The following SCARA5 variants were observed in gnomAD, a reference collection of about 807,000 sequenced individuals.
SCARA5 encodes the protein scavenger receptor class A, member 5 (putative).
SCARA5 carries 45 observed loss-of-function variants against 46.3 expected under a neutral mutation model. The ratio of observed to expected loss-of-function variants is 0.97; its 90% CI spans 0.76 to 1.24. The LOEUF (loss-of-function observed/expected upper bound fraction) is 1.24. SCARA5 is among the 50% of genes most tolerant of loss of function. SCARA5 has a pLI of 0.00. For synonymous variants in SCARA5, 333 were observed against 306.5 expected, an observed-to-expected ratio of 1.09 and a Z score of -0.90; for missense variants, 680 against 689.0, an observed-to-expected ratio of 0.99 and a Z score of 0.15.
At chr8:27,958,257 A>G (rs1194854857) in intron 3 of SCARA5, among the ~76,000 whole-genome samples, 3 of 152,178 alleles carry the variant, frequency 2.0e-5, no homozygotes, top group African/African-American at 7.2e-5. Flanking sequence ...GGAATCTTCC[A>G]TGGGAAACTC....
rs1405931793 is a variant in SCARA5, at chr8:27,909,655, C to T, written c.997+8G>A. Reference sequence around the variant, plus strand: ...CTCCCAGGTACCACCCAGGGGCACGCTCATTACCTCGAAGTCCAGGCAATC... The same window carrying T: ...CTCCCAGGTACCACCCAGGGGCACGTTCATTACCTCGAAGTCCAGGCAATC... On this transcript the variant is annotated splice_region_variant and intron_variant, in intron 5 of 8. Coordinates refer to ENST00000354914, the MANE Select transcript of SCARA5 (RefSeq NM_173833.6). 20 of 1,539,336 alleles carry T rather than the reference C, an allele frequency of 1.3e-5. No individual in the cohort carries two copies. Among genetic ancestry groups the T allele is most frequent in the Admixed American group, 2.0e-5 (1 of 50,970 alleles).
chr8:27,966,424 G>A lies in SCARA5; in HGVS notation c.231C>T (p.Phe77=). ...ATGGCCTGCTCTTACCTGCTAAGATGAAGATGCCCACAAGAATCAGGAAGA... is the reference window on the plus strand; with the variant it reads ...ATGGCCTGCTCTTACCTGCTAAGATAAAGATGCCCACAAGAATCAGGAAGA... The part of the protein sequence containing the change: ...LLVFLILVGI[F]ILAVSRPRSS... The change falls in exon 3 of 9, where the codon TTC becomes TTT. Residue 77 remains phenylalanine, a synonymous_variant. Transcript: ENST00000354914. The A allele has an allele frequency of 6.2e-7, 1 of 1,609,852 alleles. No homozygotes were observed. The highest frequency in any genetic ancestry group is 2.2e-5 in the East Asian group (1 of 44,814).
intron 2 of SCARA5, among the ~76,000 whole-genome samples, chr8:27,970,448 G>A (rs2685396): frequency 0.54 from 82,726 of 152,066 alleles, 22,690 homozygotes; most frequent in South Asian, 0.66. Context: ...ACCCCCAGAC[G>A]TTACCACCCC....
intron 2 of SCARA5, among the ~76,000 whole-genome samples, chr8:27,971,411 T>A (rs546835023): frequency 6.6e-6 from 1 of 152,242 alleles, no homozygotes; most frequent in Non-Finnish European, 1.5e-5. Flanking sequence ...ACAGGACTTA[T>A]AAATTTGAAA....
chr8:27,967,803 C>T (rs7831934), intron 2 of SCARA5, among the ~76,000 whole-genome samples: 41,447 of 151,956 alleles, frequency 0.27, 5,998 homozygotes, highest in Admixed American at 0.37. Flanking sequence ...ATCCCAGCTA[C>T]TTGGGAGGCT....
intron 3 of SCARA5, among the ~76,000 whole-genome samples, chr8:27,937,337 C>T (rs1288424195): frequency 1.3e-5 from 2 of 152,156 alleles, no homozygotes; most frequent in African/African-American, 4.8e-5. Context: ...CTATGCATGA[C>T]CTTCACCCTC....
rs1054974792 is a variant in SCARA5 at position 27,962,854 on chromosome 8, T to G, written c.241+3560A>C. 3.3e-5 allele frequency among the ~76,000 whole-genome samples: 5 copies of G among 152,344 alleles called. No homozygotes were observed. In the East Asian group the frequency reaches 9.6e-4, roughly 29 times the overall value. ...TCTCATGACGTTTTATTCCTAGGGCTTGTCCCTTTGCCCTGCACTCACCGA... is the reference window on the plus strand; with the variant it reads ...TCTCATGACGTTTTATTCCTAGGGCGTGTCCCTTTGCCCTGCACTCACCGA... On this transcript the variant is annotated intron_variant, in intron 3 of 8. Transcript: ENST00000354914.
At chr8:27,936,140 C>G (rs770267258) in intron 3 of SCARA5, among the ~76,000 whole-genome samples, 41 of 152,244 alleles carry the variant, frequency 2.7e-4, no homozygotes, top group Non-Finnish European at 4.7e-4. Flanking sequence ...ACCAGAGAGA[C>G]TTTCCTTCTC....
intron 4 of SCARA5, 78 bp from the exon 5 acceptor site, chr8:27,909,821 A>C: frequency 9.6e-7 from 1 of 1,040,740 alleles, no homozygotes; most frequent in Non-Finnish European, 1.4e-6. Context: ...AGGAAACAAA[A>C]CGCCCTCTCT....
At chr8:27,950,779 T>C (rs946481099) in intron 3 of SCARA5, among the ~76,000 whole-genome samples, 1 of 151,862 alleles carries the variant, frequency 6.6e-6, no homozygotes, top group Admixed American at 6.6e-5. Flanking sequence ...GTGCCAGCAC[T>C]TTCCTTGAGC....
intron 2 of SCARA5, among the ~76,000 whole-genome samples, chr8:27,978,707 C>T (rs1383711276): frequency 1.3e-5 from 2 of 152,058 alleles, no homozygotes; most frequent in East Asian, 3.9e-4. Context: ...TTGGAGGTCT[C>T]TCTGTGTTGC....
intron 3 of SCARA5, among the ~76,000 whole-genome samples, chr8:27,959,954 G>A (rs931326847): frequency 3.3e-5 from 5 of 152,108 alleles, no homozygotes; most frequent in Non-Finnish European, 5.9e-5. Flanking sequence ...TGAGCCCTGC[G>A]CTGTCACGGT....
At position 27,975,514 on chromosome 8, in the gene SCARA5, G is replaced by GAA. The variant is rs59125779; in HGVS notation, c.113-8974_113-8973dup. On this transcript the variant is annotated intron_variant, in intron 2 of 8. Coordinates refer to ENST00000354914, the MANE Select transcript of SCARA5 (RefSeq NM_173833.6). ...GTGGGACTGGGCCCTCAACCTGTGG[G>GAA]AATCCAAGGCTACCACCAGGTGCAT... is the stretch of plus-strand genomic sequence containing the variant. Among the ~76,000 whole-genome samples, 10 of 151,852 alleles carry GAA rather than the reference G, an allele frequency of 6.6e-5. No individual in the cohort carries two copies. In the East Asian group the frequency reaches 1.2e-3, roughly 18 times the overall value.
At chr8:27,954,836 T>C (rs1808182384) in intron 3 of SCARA5, among the ~76,000 whole-genome samples, 2 of 152,198 alleles carry the variant, frequency 1.3e-5, no homozygotes, top group African/African-American at 4.8e-5. Flanking sequence ...AAGTGTTAAT[T>C]GGTAAATAAG....
chr8:27,909,798 AG>A, intron 4 of SCARA5, 55 bp from the exon 5 acceptor site: 2 of 1,240,092 alleles, frequency 1.6e-6, no homozygotes, highest in Non-Finnish European at 1.2e-6. Context: ...AAACAGGACC[AG>A]GTCATCTGTA....
At chr8:27,970,467 G>C (rs1174434347) in intron 2 of SCARA5, among the ~76,000 whole-genome samples, 3 of 152,090 alleles carry the variant, frequency 2.0e-5, no homozygotes, top group African/African-American at 7.2e-5. Flanking sequence ...CCTTTCTATG[G>C]CAATAACCTG....
intron 3 of SCARA5, among the ~76,000 whole-genome samples, chr8:27,945,378 G>A (rs1019040325): frequency 6.6e-6 from 1 of 152,126 alleles, no homozygotes; most frequent in Non-Finnish European, 1.5e-5. Flanking sequence ...GTCAAGCCGT[G>A]GCTTCCCCAT....
rs752479012 is a variant in SCARA5 at position 27,921,558 on chromosome 8, G to T, written c.916+13C>A. ...AGGGGCCGTGGGTGGAGGCAGCAAG[G>T]GCCTGGCGGTACCTTTCGCGAGGGA... On this transcript the variant is annotated intron_variant, in intron 4 of 8. Coordinates refer to ENST00000354914, the MANE Select transcript of SCARA5 (RefSeq NM_173833.6). 3.3e-6 allele frequency: 5 copies of T among 1,536,370 alleles called. No homozygotes were observed. In the South Asian group the frequency reaches 6.3e-5, roughly 20 times the overall value.
chr8:27,971,050 T>C (rs1240182435), intron 2 of SCARA5, among the ~76,000 whole-genome samples: 1 of 152,232 alleles, frequency 6.6e-6, no homozygotes, highest in Non-Finnish European at 1.5e-5. Flanking sequence ...AGAGACTTTG[T>C]TAGCGTCATT....
Sources: gnomAD v4.1 joint callset for allele counts (sites outside exome capture counted in the v4.1 genomes callset) on GRCh38, gnomAD v4.1.1 for gene constraint, MANE v1.5 for transcripts, NCBI Gene and HGNC (gene_info 2026-07-23, HGNC 2026-07-21) for gene names.